Variants in NEU2 observed in about 807,000 individuals in gnomAD.
NEU2 encodes the protein neuraminidase 2.
A neutral mutation model predicts 6.3 loss-of-function variants in NEU2; 7 were observed. The ratio of observed to expected loss-of-function variants is 1.12; its 90% CI spans 0.63 to 2.10. NEU2 has a LOEUF of 2.10. Ranked by LOEUF, NEU2 falls within the 30% of genes most tolerant of loss-of-function variation. NEU2 has a pLI of 0.00. For missense variants in NEU2, 509 were observed against 504.0 expected, an observed-to-expected ratio of 1.01 and a Z score of -0.09; for synonymous variants, 208 against 223.3, an observed-to-expected ratio of 0.93 and a Z score of 0.61.
At position 233,034,446 on chromosome 2, in the gene NEU2, GC is replaced by G. The variant is rs1559256035; in HGVS notation, c.534del (p.Tyr179ThrfsTer54). The G allele has an allele frequency of 1.9e-6, 3 of 1,613,932 alleles. No homozygotes were observed. Among genetic ancestry groups the G allele is most frequent in the Non-Finnish European group, 2.5e-6 (3 of 1,179,868 alleles). On this transcript the variant is annotated frameshift_variant, in exon 2 of 2. Coordinates refer to ENST00000233840, the MANE Select transcript of NEU2 (RefSeq NM_005383.2). LOFTEE classifies it low-confidence loss of function (END_TRUNC). This position sits in a 1 kb window ranked among gnomAD's most constrained non-coding sequence, Gnocchi z 4.8. The part of the protein sequence containing the change: ...HDRARSLVVP[A>X]YAYRKLHPIQ... ...CAGGGCCCGGAGCCTGGTGGTGCCC[GC>G]CTACGCCTACCGGAAACTTCACCCC...
rs1005176169 is a variant in NEU2 at position 233,034,757 on chromosome 2, C to G, written c.843C>G (p.Ser281Arg). The stretch of plus-strand genomic sequence containing the variant: ...AGGGGAGCGTCATCAGCTTCCCCAG[C>G]CCCCGCTCGGGGCCTGGCTCCCCAG... The part of the protein sequence containing the change: ...GCQGSVISFP[S>R]PRSGPGSPAQ... Residue 281 changes from serine (S) to arginine (R), a missense_variant, in exon 2 of 2, where the codon AGC becomes AGG. Coordinates refer to ENST00000233840, the MANE Select transcript of NEU2 (RefSeq NM_005383.2). This position sits in a 1 kb window ranked among gnomAD's most constrained non-coding sequence, Gnocchi z 4.8. 6.5e-7 allele frequency: 1 copy of G among 1,536,752 alleles called. No homozygotes were observed. Among genetic ancestry groups the G allele is most frequent in the Non-Finnish European group, 8.8e-7 (1 of 1,141,434 alleles).
chr2:233,034,320 T>C lies in NEU2; in HGVS notation c.406T>C (p.Trp136Arg). Residue 136 changes from tryptophan (W) to arginine (R), a missense_variant, in exon 2 of 2, where the codon TGG (tryptophan) becomes CGG (arginine). Transcript: ENST00000233840. This position sits in a 1 kb window ranked among gnomAD's most constrained non-coding sequence, Gnocchi z 4.8. Reference protein sequence around the residue: ...QVTSTDHGRTWSSPRDLTDAA... With the variant: ...QVTSTDHGRTRSSPRDLTDAA... ...CACCAGCACTGACCACGGGAGGACC[T>C]GGAGCTCCCCCAGAGACCTCACTGA... 1 of 1,614,120 alleles carries C rather than the reference T, an allele frequency of 6.2e-7. No homozygotes were observed. The highest frequency in any genetic ancestry group is 8.5e-7 in the Non-Finnish European group (1 of 1,180,006).
intron 1 of NEU2, among the ~76,000 whole-genome samples, chr2:233,033,132 CG>C (rs1375972441): frequency 6.6e-6 from 1 of 152,090 alleles, no homozygotes; most frequent in Non-Finnish European, 1.5e-5. Flanking sequence ...GATGACCTCA[CG>C]GAGGAATAGT....
Position 233,032,803 on chromosome 2 carries a change from GA to G in NEU2, c.134del (p.Lys45ArgfsTer7). 1 of 1,614,204 alleles carries G rather than the reference GA, an allele frequency of 6.2e-7. No individual in the cohort carries two copies. Among genetic ancestry groups the G allele is most frequent in the East Asian group, 2.2e-5 (1 of 44,884 alleles). On this transcript the variant is annotated frameshift_variant, in exon 1 of 2. Coordinates refer to ENST00000233840, the MANE Select transcript of NEU2 (RefSeq NM_005383.2). LOFTEE classifies it high-confidence loss of function. Reference protein sequence around the residue: ...LAFAEQRASKKDEHAELIVLR... With the variant: ...LAFAEQRASKXDEHAELIVLR... ...CCTTCGCGGAACAGCGGGCAAGCAA[GA>G]AGGATGAGCACGCAGAGCTGATTGT...
chr2:233,034,330 C>G lies in NEU2; in HGVS notation c.416C>G (p.Pro139Arg). Residue 139 changes from proline to arginine, a missense_variant, in exon 2 of 2, where the codon CCC becomes CGC. Pro to Arg is a moderately radical substitution (Grantham distance 103). Transcript: ENST00000233840. This position sits in a 1 kb window ranked among gnomAD's most constrained non-coding sequence, Gnocchi z 4.8. ...STDHGRTWSS[P>R]RDLTDAAIGP... ...GACCACGGGAGGACCTGGAGCTCCC[C>G]CAGAGACCTCACTGATGCGGCCATC... is the stretch of plus-strand genomic sequence containing the variant. 1 of 1,614,118 alleles carries G rather than the reference C, an allele frequency of 6.2e-7. No homozygotes were observed. Among genetic ancestry groups the G allele is most frequent in the Non-Finnish European group, 8.5e-7 (1 of 1,179,990 alleles).
chr2:233,032,704 C>A lies in NEU2; in HGVS notation c.33C>A (p.Ser11Arg), dbSNP rs2233384. 16,442 of 1,614,222 alleles carry A rather than the reference C, an allele frequency of 0.01. 681 individuals carry two copies. In the East Asian group the frequency reaches 0.14, roughly 14 times the overall value. The change falls in exon 1 of 2, where the codon AGC becomes AGA. Residue 11 changes from serine to arginine, a missense_variant. Coordinates refer to ENST00000233840, the MANE Select transcript of NEU2 (RefSeq NM_005383.2). MASLPVLQKE[S>R]VFQSGAHAYR... is the part of the protein sequence containing the mutation. The stretch of plus-strand genomic sequence containing the variant: ...CCCTTCCTGTCCTGCAGAAGGAGAG[C>A]GTGTTCCAGTCGGGAGCCCATGCCT...
rs1690567036 is a variant in NEU2, at chr2:233,034,816, C to A, written c.902C>A (p.Ser301Tyr). ...CTGCTCTACACTCACCCCACACACT[C>A]CTGGCAGAGGGCCGACCTGGGTGCC... is the stretch of plus-strand genomic sequence containing the variant. ...QWLLYTHPTH[S>Y]WQRADLGAYL... Residue 301 changes from serine to tyrosine, a missense_variant, in exon 2 of 2, where the codon TCC becomes TAC. Coordinates refer to ENST00000233840, the MANE Select transcript of NEU2 (RefSeq NM_005383.2). This position sits in a 1 kb window ranked among gnomAD's most constrained non-coding sequence, Gnocchi z 4.8. 2 of 1,589,738 alleles carry A rather than the reference C, an allele frequency of 1.3e-6. No individual in the cohort carries two copies. The highest frequency in any genetic ancestry group is 2.7e-5 in the African/African-American group (2 of 74,670).
chr2:233,034,008 A>T lies in NEU2; in HGVS notation c.202-108A>T, dbSNP rs1333043420. The T allele has an allele frequency of 1.7e-5, 16 of 944,630 alleles. No individual in the cohort carries two copies. Among genetic ancestry groups the T allele is most frequent in the Non-Finnish European group, 2.6e-5 (16 of 625,998 alleles). The allele number at this position is 944,630 out of a possible 1,614,324, so 58.5% of individuals were successfully genotyped here. ...GAAGAGTTCTTCTCGATGACTTTTG[A>T]CTCTAACCCGGGAGACACACCCGTG... is the stretch of plus-strand genomic sequence containing the variant. On this transcript the variant is annotated intron_variant, in intron 1 of 1. Coordinates refer to ENST00000233840, the MANE Select transcript of NEU2 (RefSeq NM_005383.2). The surrounding 1 kb of genome is among the most constrained non-coding windows in gnomAD (Gnocchi z 4.8).
chr2:233,033,983 G>A lies in NEU2; in HGVS notation c.202-133G>A, dbSNP rs1690550493. 6.2e-6 allele frequency: 5 copies of A among 803,682 alleles called. No homozygotes were observed. In the Admixed American group the frequency reaches 7.4e-5, roughly 12 times the overall value. 49.8% of individuals were successfully genotyped at this position (803,682 alleles called of 1,614,324 possible). On this transcript the variant is annotated intron_variant, in intron 1 of 1. Transcript: ENST00000233840. ...TGCAAGGAGGATATGAGTGTTGGGT[G>A]AAGAGTTCTTCTCGATGACTTTTGA...
At chr2:233,032,903 C>A (rs774965534) in intron 1 of NEU2, 31 bp downstream of exon 1, 1 of 1,554,646 alleles carries the variant, frequency 6.4e-7, no homozygotes, top group Admixed American at 1.9e-5. Flanking sequence ...ACTGGCTCCC[C>A]AGGGCTCTGC....
rs749325059 is a variant in NEU2 at position 233,032,886 on chromosome 2, T to A, written c.201+14T>A. 6.4e-7 allele frequency: 1 copy of A among 1,573,034 alleles called. No homozygotes were observed. The highest frequency in any genetic ancestry group is 1.1e-5 in the South Asian group (1 of 87,050). The stretch of plus-strand genomic sequence containing the variant: ...CACCAGGTTCAGGTGAGGCAGGAGG[T>A]GTCTGCACTGGCTCCCCAGGGCTCT... On this transcript the variant is annotated intron_variant, in intron 1 of 1. Transcript: ENST00000233840.
rs374378659 is a variant in NEU2 at position 233,032,692 on chromosome 2, G to T, written c.21G>T (p.Leu7=). 8.1e-6 allele frequency: 13 copies of T among 1,614,110 alleles called. No homozygotes were observed. The highest frequency in any genetic ancestry group is 1.0e-5 in the Non-Finnish European group (12 of 1,180,056). The change falls in exon 1 of 2, where the codon CTG becomes CTT. Residue 7 remains leucine, a synonymous_variant. Coordinates refer to ENST00000233840, the MANE Select transcript of NEU2 (RefSeq NM_005383.2). MASLPV[L]QKESVFQSGA... The stretch of plus-strand genomic sequence containing the variant: ...GCCCCATGGCGTCCCTTCCTGTCCT[G>T]CAGAAGGAGAGCGTGTTCCAGTCGG...
In NEU2 at chr2:233,034,853, G is replaced by T. The variant is rs748592888; in HGVS notation, c.939G>T (p.Pro313=). ...CCGACCTGGGTGCCTACCTCAACCCGCGACCTCCAGCCCCTGAGGCCTGGT... is the reference window on the plus strand; with the variant it reads ...CCGACCTGGGTGCCTACCTCAACCCTCGACCTCCAGCCCCTGAGGCCTGGT... ...QRADLGAYLN[P]RPPAPEAWSE... Residue 313 remains proline, a synonymous_variant, in exon 2 of 2, where the codon CCG becomes CCT. Coordinates refer to ENST00000233840, the MANE Select transcript of NEU2 (RefSeq NM_005383.2). This position sits in a 1 kb window ranked among gnomAD's most constrained non-coding sequence, Gnocchi z 4.8. The T allele has an allele frequency of 6.2e-7, 1 of 1,610,436 alleles. No individual in the cohort carries two copies. The highest frequency in any genetic ancestry group is 1.1e-5 in the South Asian group (1 of 90,824).
In NEU2 at chr2:233,032,986, T is replaced by C. The variant is rs914581434; in HGVS notation, c.201+114T>C. 2.0e-5 allele frequency: 22 copies of C among 1,120,806 alleles called. No individual in the cohort carries two copies. In the African/African-American group the frequency reaches 2.8e-4, roughly 14 times the overall value. The allele number at this position is 1,120,806 out of a possible 1,614,324, so 69.4% of individuals were successfully genotyped here. ...ATACAGGGACAACTTTATCCCTCAA[T>C]GGCTGTACTCCGGAGGAGAGATAGA... On this transcript the variant is annotated intron_variant, in intron 1 of 1. Coordinates refer to ENST00000233840, the MANE Select transcript of NEU2 (RefSeq NM_005383.2).
Position 233,034,190 on chromosome 2 carries a change from C to T in NEU2, c.276C>T (p.Asp92=), listed in dbSNP as rs770635668. Residue 92 remains aspartate, a synonymous_variant, in exon 2 of 2, where the codon GAC becomes GAT. Transcript: ENST00000233840. This position sits in a 1 kb window ranked among gnomAD's most constrained non-coding sequence, Gnocchi z 4.8. ...HRSMNPCPLY[D]AQTGTLFLFF... ...CCATGAACCCATGCCCCTTGTATGA[C>T]GCGCAGACGGGGACCCTCTTCCTCT... 1.7e-5 allele frequency: 27 copies of T among 1,613,990 alleles called. No individual in the cohort carries two copies. Among genetic ancestry groups the T allele is most frequent in the South Asian group, 1.3e-4 (12 of 91,086 alleles).
chr2:233,033,395 A>C (rs1046750673), intron 1 of NEU2, among the ~76,000 whole-genome samples: 13 of 152,330 alleles, frequency 8.5e-5, no homozygotes, highest in African/African-American at 3.1e-4. Flanking sequence ...TGGTTCCGCC[A>C]CTGACCACAG....
At position 233,032,784 on chromosome 2, in the gene NEU2, C is replaced by A. The variant is rs144401355; in HGVS notation, c.113C>A (p.Ala38Glu). 30 of 1,614,070 alleles carry A rather than the reference C, an allele frequency of 1.9e-5. No homozygotes were observed. Among genetic ancestry groups the A allele is most frequent in the East Asian group, 2.2e-5 (1 of 44,890 alleles). The change falls in exon 1 of 2, where the codon GCG becomes GAG. Residue 38 changes from alanine (A) to glutamate (E), a missense_variant. By Grantham distance (107) the Ala-to-Glu change is moderately radical. Transcript: ENST00000233840. ...GGGCAGCAGTCCCTGCTGGCCTTCGCGGAACAGCGGGCAAGCAAGAAGGAT... is the reference window on the plus strand; with the variant it reads ...GGGCAGCAGTCCCTGCTGGCCTTCGAGGAACAGCGGGCAAGCAAGAAGGAT... Reference protein sequence around the residue: ...LPGQQSLLAFAEQRASKKDEH... With the variant: ...LPGQQSLLAFEEQRASKKDEH...
At position 233,032,758 on chromosome 2, in the gene NEU2, T is replaced by G; in HGVS notation, c.87T>G (p.Pro29=). ...AYRIPALLYL[P]GQQSLLAFAE... ...GAATCCCTGCCCTGCTCTACCTGCC[T>G]GGGCAGCAGTCCCTGCTGGCCTTCG... Residue 29 remains proline (P), a synonymous_variant, in exon 1 of 2, where the codon CCT becomes CCG. Transcript: ENST00000233840. 6 of 1,614,204 alleles carry G rather than the reference T, an allele frequency of 3.7e-6. No individual in the cohort carries two copies. The highest frequency in any genetic ancestry group is 5.1e-6 in the Non-Finnish European group (6 of 1,180,024).
At position 233,034,346 on chromosome 2, in the gene NEU2, T is replaced by G. The variant is rs1574680376; in HGVS notation, c.432T>G (p.Asp144Glu). The G allele has an allele frequency of 3.7e-6, 6 of 1,613,990 alleles. No individual in the cohort carries two copies. The East Asian group carries it at 1.3e-4, about 36-fold the overall frequency. ...RTWSSPRDLT[D>E]AAIGPAYREW... ...GGAGCTCCCCCAGAGACCTCACTGA[T>G]GCGGCCATCGGCCCAGCCTACCGGG... is the stretch of plus-strand genomic sequence containing the variant. Residue 144 changes from aspartate to glutamate, a missense_variant, in exon 2 of 2, where the codon GAT (aspartate) becomes GAG (glutamate). By Grantham distance (45) the Asp-to-Glu change is conservative. Transcript: ENST00000233840. The surrounding 1 kb of genome is among the most constrained non-coding windows in gnomAD (Gnocchi z 4.8).
Sources: allele counts gnomAD v4.1 joint callset (sites outside exome capture counted in the v4.1 genomes callset), GRCh38; gene constraint gnomAD v4.1.1; non-coding constraint Gnocchi (gnomAD v3.1); transcripts MANE v1.5; gene names NCBI Gene and HGNC (gene_info 2026-07-23, HGNC 2026-07-21).